The following DLG2 variants were observed in gnomAD, a reference collection of about 807,000 sequenced individuals.
DLG2 encodes the protein disks large homolog 2.
DLG2 carries 45 observed loss-of-function variants against 132.5 expected under a neutral mutation model. The observed-to-expected ratio is 0.34, with a 90% CI of 0.27 to 0.44. The LOEUF (loss-of-function observed/expected upper bound fraction) is 0.44, where lower values mean the gene tolerates loss of function less well. Among genes scored for constraint, DLG2 ranks in the 20% least tolerant of loss-of-function variants. The pLI, the probability that DLG2 is intolerant of heterozygous loss-of-function variation, is 1.00. For missense variants in DLG2, 1,045 were observed against 1,196.9 expected, an observed-to-expected ratio of 0.87 and a Z score of 1.87; for synonymous variants, 424 against 419.6, an observed-to-expected ratio of 1.01 and a Z score of -0.13.
intron 6 of DLG2, among the ~76,000 whole-genome samples, chr11:84,769,498 A>G (rs1195422414): frequency 6.6e-6 from 1 of 152,134 alleles, no homozygotes; most frequent in Non-Finnish European, 1.5e-5. Context: ...GACCAAATAT[A>G]TAAATTATTG....
At chr11:84,218,305 AAG>A (rs71036409) in intron 8 of DLG2, among the ~76,000 whole-genome samples, 112 of 143,454 alleles carry the variant, frequency 7.8e-4, no homozygotes, top group Non-Finnish European at 1.1e-3. Context: ...AAGAGAAAGA[AAG>A]AGAGAGAGAG....
intron 5 of DLG2, among the ~76,000 whole-genome samples, chr11:85,145,730 C>G (rs1445106706): frequency 6.6e-6 from 1 of 151,820 alleles, no homozygotes; most frequent in South Asian, 2.1e-4. Flanking sequence ...ATTTTGAATC[C>G]CTTCTCTGTG....
chr11:83,910,026 A>G (rs2075777489), intron 15 of DLG2, among the ~76,000 whole-genome samples: 1 of 152,192 alleles, frequency 6.6e-6, no homozygotes, highest in Admixed American at 6.6e-5. Flanking sequence ...CTCTAAAAAC[A>G]GGATGGAGAA....
chr11:84,404,477 G>T (rs988300490), intron 7 of DLG2, among the ~76,000 whole-genome samples: 1 of 152,100 alleles, frequency 6.6e-6, no homozygotes, highest in Non-Finnish European at 1.5e-5. Flanking sequence ...TTCTCAACTA[G>T]TATGGAAGGA....
At position 85,354,162 on chromosome 11, in the gene DLG2, A is replaced by T. The variant is rs565465440; in HGVS notation, c.41-68797T>A. Among the ~76,000 whole-genome samples the T allele has an allele frequency of 2.7e-4, 41 of 152,234 alleles. No homozygotes were observed. In the East Asian group the frequency reaches 6.7e-3, roughly 25 times the overall value. The stretch of plus-strand genomic sequence containing the variant: ...TATATCTCCACAAAATAAAGGAGAT[A>T]AAAAAGTGATTTCCAACTTTCAATC... On this transcript the variant is annotated intron_variant, in intron 3 of 27. Coordinates refer to ENST00000376104, the MANE Select transcript of DLG2 (RefSeq NM_001142699.3).
rs370091597 is a variant in DLG2 at position 83,466,688 on chromosome 11, C to T, written c.2729+20G>A. On this transcript the variant is annotated intron_variant, in intron 26 of 27. Transcript: ENST00000376104. ...AACAGGGAGTCAGTTGGATGAAGGC[C>T]TCCAATGCCCTCTACTCACATAAGA... 2.1e-6 allele frequency: 3 copies of T among 1,442,984 alleles called. No homozygotes were observed. Among genetic ancestry groups the T allele is most frequent in the Non-Finnish European group, 2.9e-6 (3 of 1,024,254 alleles). 89.4% of individuals were successfully genotyped at this position (1,442,984 alleles called of 1,614,324 possible).
At chr11:83,701,034 A>AG (rs35867088) in intron 18 of DLG2, among the ~76,000 whole-genome samples, 6 of 152,198 alleles carry the variant, frequency 3.9e-5, no homozygotes, top group Non-Finnish European at 7.3e-5. Flanking sequence ...TGTTTGGGAA[A>AG]TCGCACACAA....
At chr11:84,322,636 C>CTGGA (rs976531382) in intron 7 of DLG2, among the ~76,000 whole-genome samples, 1 of 150,782 alleles carries the variant, frequency 6.6e-6, no homozygotes, top group African/African-American at 2.4e-5. Flanking sequence ...GTTGCCCAGG[C>CTGGA]TGGAGTACAG....
chr11:84,681,820 C>A (rs995779940), intron 6 of DLG2, among the ~76,000 whole-genome samples: 1 of 151,222 alleles, frequency 6.6e-6, no homozygotes, highest in Non-Finnish European at 1.5e-5. Flanking sequence ...AAAAATTGAA[C>A]CTTATTGAAA....
intron 7 of DLG2, among the ~76,000 whole-genome samples, chr11:84,296,118 C>T (rs1567206616): frequency 6.6e-6 from 1 of 152,036 alleles, no homozygotes; most frequent in Non-Finnish European, 1.5e-5. Context: ...AAACGTATTC[C>T]CGAAAACACA....
chr11:83,971,073 A>G (rs2091244017), intron 12 of DLG2, among the ~76,000 whole-genome samples: 1 of 152,220 alleles, frequency 6.6e-6, no homozygotes, highest in Non-Finnish European at 1.5e-5. Flanking sequence ...AAGGGACATT[A>G]CACTGATTGG....
chr11:84,967,477 A>G (rs1280856769), intron 6 of DLG2, among the ~76,000 whole-genome samples: 2 of 152,170 alleles, frequency 1.3e-5, no homozygotes, highest in African/African-American at 4.8e-5. Flanking sequence ...GCTCACCAAA[A>G]GTAATTTTCT....
At chr11:84,114,280 C>T (rs957492414) in intron 9 of DLG2, among the ~76,000 whole-genome samples, 14 of 152,058 alleles carry the variant, frequency 9.2e-5, no homozygotes, top group Non-Finnish European at 4.4e-5. Flanking sequence ...TGTTTTAGAA[C>T]TGTTTTTGTA....
intron 7 of DLG2, among the ~76,000 whole-genome samples, chr11:84,502,275 C>CT (rs2099215734): frequency 4.7e-5 from 1 of 21,110 alleles, no homozygotes; most frequent in Non-Finnish European, 7.5e-5. Flanking sequence ...TCCTTCCTTC[C>CT]TTCCTTCTTT....
At chr11:84,678,736 T>G (rs1029338422) in intron 6 of DLG2, among the ~76,000 whole-genome samples, 1 of 152,050 alleles carries the variant, frequency 6.6e-6, no homozygotes, top group Non-Finnish European at 1.5e-5. Context: ...TTAAATATAT[T>G]GTATGTGTGG....
At chr11:84,334,474 G>C (rs190746787) in intron 7 of DLG2, among the ~76,000 whole-genome samples, 1 of 152,118 alleles carries the variant, frequency 6.6e-6, no homozygotes, top group Non-Finnish European at 1.5e-5. Flanking sequence ...AGTTTTCTCA[G>C]GGTCTCCATT....
intron 3 of DLG2, among the ~76,000 whole-genome samples, chr11:85,337,753 C>T (rs2082229732): frequency 6.6e-6 from 1 of 152,180 alleles, no homozygotes; most frequent in African/African-American, 2.4e-5. Context: ...ACCATTTCTG[C>T]TTCTTTCACA....
chr11:84,187,119 A>G (rs2096290610), intron 8 of DLG2, among the ~76,000 whole-genome samples: 1 of 149,524 alleles, frequency 6.7e-6, no homozygotes, highest in Admixed American at 6.7e-5. Context: ...ATATCTTTAT[A>G]TAAATATATA....
intron 3 of DLG2, among the ~76,000 whole-genome samples, chr11:85,482,338 C>T (rs996562193): frequency 6.6e-6 from 1 of 152,180 alleles, no homozygotes; most frequent in African/African-American, 2.4e-5. Flanking sequence ...CCTTAAACAG[C>T]AGGCAGGCAC....
Sources: allele counts gnomAD v4.1 joint callset (sites outside exome capture counted in the v4.1 genomes callset), GRCh38; gene constraint gnomAD v4.1.1; transcripts MANE v1.5; gene names NCBI Gene and HGNC (gene_info 2026-07-23, HGNC 2026-07-21).